VCL: variants seen among roughly 807,000 people sequenced by gnomAD.
VCL encodes the protein vinculin.
In VCL, 47 loss-of-function variants were observed where a neutral mutation model predicts 125.7. The ratio of observed to expected loss-of-function variants is 0.37; its 90% CI spans 0.30 to 0.48. The LOEUF (loss-of-function observed/expected upper bound fraction) is 0.48. Among genes scored for constraint, VCL ranks in the 20% least tolerant of loss-of-function variants. The pLI is 0.99. For synonymous variants in VCL, 458 were observed against 514.6 expected (o/e 0.89, Z 1.49); for missense variants, 1,069 against 1,455.5 (o/e 0.73, Z 4.32).
intron 1 of VCL, among the ~76,000 whole-genome samples, chr10:74,001,302 G>A (rs375223860): frequency 2.2e-3 from 332 of 152,282 alleles, no homozygotes; most frequent in African/African-American, 7.4e-3. Context: ...GTCAAGCCTT[G>A]TCTGATATTC....
At chr10:74,059,104 C>G (rs891053239) in intron 2 of VCL, among the ~76,000 whole-genome samples, 5 of 152,128 alleles carry the variant, frequency 3.3e-5, no homozygotes, top group Non-Finnish European at 7.3e-5. Context: ...GGCACGGTGG[C>G]TCACACCTGT....
At chr10:74,107,405 C>T (rs984055462) in intron 17 of VCL, 51 bp downstream of exon 17, 2 of 1,613,690 alleles carry the variant, frequency 1.2e-6, no homozygotes, top group Non-Finnish European at 1.7e-6. Flanking sequence ...GTTGAGACTT[C>T]AGCAAGAGAG....
chr10:74,091,972 G>T (rs1839896272), intron 10 of VCL, among the ~76,000 whole-genome samples: 1 of 151,974 alleles, frequency 6.6e-6, no homozygotes, highest in Non-Finnish European at 1.5e-5. Context: ...GCAGTGGCGT[G>T]ATCTTGGCTC....
rs1397193312 is a variant in VCL at position 74,119,797 on chromosome 10, T to C, written c.*1628T>C. On this transcript the variant is annotated 3_prime_UTR_variant, in exon 22 of 22. Coordinates refer to ENST00000211998, the MANE Select transcript of VCL (RefSeq NM_014000.3). Reference sequence around the variant, plus strand: ...CAAGGCCCTCAGCATATTTGTATAGTTGCTTGCCTGATATAAATGCAATAT... The same window carrying C: ...CAAGGCCCTCAGCATATTTGTATAGCTGCTTGCCTGATATAAATGCAATAT... 6.6e-6 allele frequency: 1 copy of C among 152,632 alleles called. No homozygotes were observed. Among genetic ancestry groups the C allele is most frequent in the Non-Finnish European group, 1.5e-5 (1 of 68,036 alleles). 9.5% of individuals were successfully genotyped at this position (152,632 alleles called of 1,614,324 possible).
chr10:74,112,946 G>C (rs1483511325), intron 19 of VCL, among the ~76,000 whole-genome samples: 1 of 152,182 alleles, frequency 6.6e-6, no homozygotes, highest in East Asian at 1.9e-4. Context: ...AGACCCAGAG[G>C]ACCTTGTCTA....
chr10:74,035,481 A>T (rs939867801), intron 1 of VCL, among the ~76,000 whole-genome samples: 2 of 152,128 alleles, frequency 1.3e-5, no homozygotes, highest in Non-Finnish European at 2.9e-5. Context: ...CCCCCTAAAA[A>T]TGCCCCCAGG....
chr10:74,078,069 T>C (rs1564525059), intron 6 of VCL, among the ~76,000 whole-genome samples: 2 of 152,182 alleles, frequency 1.3e-5, no homozygotes, highest in South Asian at 2.1e-4. Flanking sequence ...CTACATTTAA[T>C]TTTTTTGGTA....
chr10:74,056,428 C>G (rs1384106982), intron 2 of VCL, among the ~76,000 whole-genome samples: 2 of 151,936 alleles, frequency 1.3e-5, no homozygotes, highest in East Asian at 3.9e-4. Flanking sequence ...ATGCAGTGTC[C>G]TGTACTATCA....
chr10:74,044,356 A>G (rs549122893), intron 2 of VCL, among the ~76,000 whole-genome samples: 1 of 152,348 alleles, frequency 6.6e-6, no homozygotes, highest in East Asian at 1.9e-4. Context: ...TAGGACAAAA[A>G]AAATAGAACT....
intron 1 of VCL, among the ~76,000 whole-genome samples, chr10:74,017,046 C>CTTTTTTTTTTTTTTTTTTTT (rs549275362): frequency 2.7e-5 from 3 of 113,166 alleles, no homozygotes; most frequent in African/African-American, 1.2e-4. Flanking sequence ...AATTTCCTTC[C>CTTTTTTTTTTTTTTTTTTTT]TTTTTTTTTT....
intron 1 of VCL, among the ~76,000 whole-genome samples, chr10:74,035,890 C>G (rs1367215224): frequency 6.6e-6 from 1 of 152,130 alleles, no homozygotes; most frequent in African/African-American, 2.4e-5. Context: ...CTAAACAATA[C>G]AGTATAACAA....
At chr10:74,028,973 C>T (rs548596095) in intron 1 of VCL, among the ~76,000 whole-genome samples, 40 of 152,142 alleles carry the variant, frequency 2.6e-4, no homozygotes, top group African/African-American at 9.4e-4. Context: ...TAGGTGCCAC[C>T]ATGCCCAGCC....
At chr10:74,026,436 C>T (rs958544745) in intron 1 of VCL, among the ~76,000 whole-genome samples, 5 of 152,284 alleles carry the variant, frequency 3.3e-5, no homozygotes, top group African/African-American at 1.2e-4. Context: ...CTCTGTTCCT[C>T]ATCTGTGGCA....
intron 2 of VCL, among the ~76,000 whole-genome samples, chr10:74,066,863 G>A (rs1165045945): frequency 1.3e-5 from 2 of 151,868 alleles, no homozygotes; most frequent in African/African-American, 4.8e-5. Context: ...GTAGAGACGG[G>A]GTTTCACCAT....
intron 18 of VCL, among the ~76,000 whole-genome samples, chr10:74,109,524 C>T (rs971568006): frequency 4.0e-5 from 6 of 151,570 alleles, no homozygotes; most frequent in African/African-American, 1.5e-4. Flanking sequence ...ATCAGAGCTC[C>T]AAATATGAAT....
intron 2 of VCL, among the ~76,000 whole-genome samples, chr10:74,060,030 T>C (rs1396636168): frequency 6.6e-6 from 1 of 151,698 alleles, no homozygotes. Flanking sequence ...GGCATGGTGA[T>C]GTGCACCTAT....
rs1446243860 is a variant in VCL, at chr10:74,018,296, G to A, written c.168+19921G>A. ...TGGTCTTGAACTCCTGGGCTCATGTGATCTACCTGCCTTGGCCTCCCAAAG... is the reference window on the plus strand; with the variant it reads ...TGGTCTTGAACTCCTGGGCTCATGTAATCTACCTGCCTTGGCCTCCCAAAG... On this transcript the variant is annotated intron_variant, in intron 1 of 21. Transcript: ENST00000211998. 3.3e-5 allele frequency among the ~76,000 whole-genome samples: 5 copies of A among 150,498 alleles called. No homozygotes were observed. In the Admixed American group the frequency reaches 3.4e-4, roughly 10 times the overall value.
At chr10:74,053,417 C>G (rs890610878) in intron 2 of VCL, among the ~76,000 whole-genome samples, 21 of 151,932 alleles carry the variant, frequency 1.4e-4, no homozygotes, top group African/African-American at 4.8e-4. Flanking sequence ...ATCACATTTC[C>G]TATTCAGTAT....
chr10:74,029,837 A>G (rs567197281), intron 1 of VCL, among the ~76,000 whole-genome samples: 1 of 152,312 alleles, frequency 6.6e-6, no homozygotes, highest in East Asian at 1.9e-4. Flanking sequence ...CTGATTATGA[A>G]GGCAATACAT....
Sources: gnomAD v4.1 joint callset for allele counts (sites outside exome capture counted in the v4.1 genomes callset) on GRCh38, gnomAD v4.1.1 for gene constraint, MANE v1.5 for transcripts, NCBI Gene and HGNC (gene_info 2026-07-23, HGNC 2026-07-21) for gene names.